SCN1A: variants seen among roughly 807,000 people sequenced by gnomAD.
The protein encoded by SCN1A is sodium channel protein type 1 subunit alpha.
SCN1A carries 13 observed loss-of-function variants against 193.7 expected under a neutral mutation model. That is an observed-to-expected ratio of 0.07 (90% confidence interval 0.04 to 0.11). The LOEUF is 0.11. Among genes scored for constraint, SCN1A ranks in the 10% least tolerant of loss-of-function variants. The pLI, the probability that SCN1A is intolerant of heterozygous loss-of-function variation, is 1.00. For synonymous variants in SCN1A, 781 were observed against 843.6 expected (o/e 0.93, Z 1.29); for missense variants, 1,432 against 2,451.1 (o/e 0.58, Z 8.78).
At chr2:166,079,028 G>A (rs1425627776) in intron 2 of SCN1A, among the ~76,000 whole-genome samples, 3 of 151,348 alleles carry the variant, frequency 2.0e-5, no homozygotes, top group African/African-American at 4.8e-5. Context: ...TCCTAATAGA[G>A]GTTGTTTTTA....
At chr2:166,146,396 A>G (rs954352126) in intron 1 of SCN1A, among the ~76,000 whole-genome samples, 1 of 152,150 alleles carries the variant, frequency 6.6e-6, no homozygotes, top group Admixed American at 6.5e-5. Flanking sequence ...TATTTGTTGT[A>G]TTATTTATTA....
At chr2:166,017,212 A>C (rs1693423565) in intron 19 of SCN1A, among the ~76,000 whole-genome samples, 1 of 151,760 alleles carries the variant, frequency 6.6e-6, no homozygotes, top group African/African-American at 2.4e-5. Context: ...CCTGCATACT[A>C]TGCTCAGAAG....
At position 166,047,691 on chromosome 2, in the gene SCN1A, C is replaced by T. The variant is rs763750338; in HGVS notation, c.1106G>A (p.Ser369Asn). Residue 369 changes from serine (S) to asparagine (N), a missense_variant, in exon 11 of 29, where the codon AGT becomes AAT. Coordinates refer to ENST00000674923, the MANE Select transcript of SCN1A (RefSeq NM_001165963.4). ...NYGYTSFDTF[S>N]WAFLSLFRLM... ...TCGAAACAAGGACAAAAAAGCCCAA[C>T]TGAAGGTATCAAAGCTTGTGTAGCC... is the stretch of plus-strand genomic sequence containing the variant. 1.9e-6 allele frequency: 3 copies of T among 1,613,698 alleles called. No individual in the cohort carries two copies. Among genetic ancestry groups the T allele is most frequent in the South Asian group, 1.1e-5 (1 of 91,074 alleles).
At chr2:166,003,018 G>GTTA in intron 23 of SCN1A, 3 of 255,628 alleles carry the variant, frequency 1.2e-5, no homozygotes, top group Non-Finnish European at 2.2e-5. Flanking sequence ...GCATTAAAAG[G>GTTA]TTAAAGGAAA....
chr2:166,117,488 G>A (rs1427581424), intron 2 of SCN1A, among the ~76,000 whole-genome samples: 1 of 152,138 alleles, frequency 6.6e-6, no homozygotes, highest in African/African-American at 2.4e-5. Flanking sequence ...TTACAGTGAA[G>A]AATACAATGA....
chr2:166,043,726 C>G lies in SCN1A; in HGVS notation c.1986G>C (p.Ser662=). The change falls in exon 14 of 29, where the codon TCG becomes TCC. Residue 662 remains serine, a synonymous_variant. Transcript: ENST00000674923. The part of the protein sequence containing the change: ...SLVGGPSVPT[S]PVGQLLPEVI... ...CCTCTGGCAGAAGCTGTCCAACAGG[C>G]GATGTAGGAACTGAAGGTCCACCAA... 6 of 1,614,072 alleles carry G rather than the reference C, an allele frequency of 3.7e-6. No individual in the cohort carries two copies. The highest frequency in any genetic ancestry group is 5.1e-6 in the Non-Finnish European group (6 of 1,179,988).
intron 2 of SCN1A, among the ~76,000 whole-genome samples, chr2:166,108,210 A>G (rs553161466): frequency 6.6e-6 from 1 of 152,190 alleles, no homozygotes; most frequent in Non-Finnish European, 1.5e-5. Flanking sequence ...GATGCTCAAC[A>G]TCATTAATCA....
At chr2:165,995,421 C>T (rs556560051) in intron 27 of SCN1A, among the ~76,000 whole-genome samples, 170 of 151,872 alleles carry the variant, frequency 1.1e-3, no homozygotes, top group African/African-American at 3.9e-3. Context: ...ATCATGGAAG[C>T]ATGAGTATTG....
chr2:166,133,237 G>A (rs1281951785), intron 1 of SCN1A, among the ~76,000 whole-genome samples: 7 of 152,114 alleles, frequency 4.6e-5, no homozygotes, highest in Non-Finnish European at 8.8e-5. Flanking sequence ...CCCTGCTATC[G>A]AGACAACGCA....
chr2:166,111,383 T>C (rs476585), intron 2 of SCN1A, among the ~76,000 whole-genome samples: 83,304 of 151,622 alleles, frequency 0.55, 23,317 homozygotes, highest in East Asian at 0.65. Context: ...GCAGCACATC[T>C]GTTTACAGCA....
At chr2:166,098,000 T>C (rs1385276707) in intron 2 of SCN1A, among the ~76,000 whole-genome samples, 1 of 152,218 alleles carries the variant, frequency 6.6e-6, no homozygotes, top group Non-Finnish European at 1.5e-5. Flanking sequence ...TTTTCTTCTC[T>C]TGCATTTGTA....
chr2:166,133,767 G>C (rs1691751845), intron 1 of SCN1A: 1 of 152,100 alleles, frequency 6.6e-6, no homozygotes, highest in Non-Finnish European at 1.5e-5. Flanking sequence ...TCCTAAACAA[G>C]CAGGGAGCCA....
chr2:166,133,433 C>T (rs1275165618), intron 1 of SCN1A, among the ~76,000 whole-genome samples: 1 of 152,068 alleles, frequency 6.6e-6, no homozygotes, highest in East Asian at 1.9e-4. Context: ...AACCTGATTT[C>T]TCAAAGGGAA....
rs1359762865 is a variant in SCN1A, at chr2:166,038,130, C to G, written c.2592G>C (p.Leu864=). 1 of 1,606,860 alleles carries G rather than the reference C, an allele frequency of 6.2e-7. No homozygotes were observed. Among genetic ancestry groups the G allele is most frequent in the Non-Finnish European group, 8.5e-7 (1 of 1,175,018 alleles). ...AAGATTTTGCCAACTTGAAAACTCG[C>G]AGCTGGAAAATGAAAGATTAATATA... ...GLSVLRSFRL[L]RVFKLAKSWP... The change falls in exon 18 of 29, where the codon CTG becomes CTC. Residue 864 remains leucine, a splice_region_variant and synonymous_variant. Coordinates refer to ENST00000674923, the MANE Select transcript of SCN1A (RefSeq NM_001165963.4).
At chr2:166,144,974 T>C (rs6414071) in intron 1 of SCN1A, among the ~76,000 whole-genome samples, 122,186 of 151,164 alleles carry the variant, frequency 0.81, 49,973 homozygotes, top group African/African-American at 0.94. Flanking sequence ...GCCTCTGCCT[T>C]CTGAGTAGCG....
chr2:166,042,461 T>A, intron 14 of SCN1A, 37 bp from the exon 15 acceptor site: 1 of 1,604,850 alleles, frequency 6.2e-7, no homozygotes, highest in Non-Finnish European at 8.5e-7. Context: ...AACAATTAAT[T>A]TGAGCAATAT....
chr2:166,100,679 C>G (rs1254579443), intron 2 of SCN1A, among the ~76,000 whole-genome samples: 5 of 143,910 alleles, frequency 3.5e-5, no homozygotes, highest in African/African-American at 1.0e-4. Flanking sequence ...AAAAACAACC[C>G]CATCAAAAAG....
rs142267179 is a variant in SCN1A at position 166,145,804 on chromosome 2, T to G, written c.-50+3243A>C. On this transcript the variant is annotated intron_variant, in intron 1 of 26. Coordinates refer to the SCN1A transcript ENST00000635750. Reference sequence around the variant, plus strand: ...ACCATATGACCCCAACTGCCTTCTATGTATGGTGAATGGTTCTAAATTGAA... The same window carrying G: ...ACCATATGACCCCAACTGCCTTCTAGGTATGGTGAATGGTTCTAAATTGAA... Among the ~76,000 whole-genome samples, 20 of 152,302 alleles carry G rather than the reference T, an allele frequency of 1.3e-4. No individual in the cohort carries two copies. In the East Asian group the frequency reaches 3.3e-3, roughly 25 times the overall value.
chr2:166,043,568 G>T, intron 14 of SCN1A, 101 bp downstream of exon 14: 1 of 1,352,184 alleles, frequency 7.4e-7, no homozygotes, highest in Non-Finnish European at 1.0e-6. Context: ...TTCACAGCGT[G>T]ACCAACCAGG....
Sources: gnomAD v4.1 joint callset for allele counts (sites outside exome capture counted in the v4.1 genomes callset) on GRCh38, gnomAD v4.1.1 for gene constraint, MANE v1.5 for transcripts, NCBI Gene and HGNC (gene_info 2026-07-23, HGNC 2026-07-21) for gene names.